TMEM132C: variants seen among roughly 807,000 people sequenced by gnomAD.
TMEM132C encodes protein phosphatase 1, regulatory subunit 152.
TMEM132C carries 29 observed loss-of-function variants against 61.4 expected under a neutral mutation model. That is an observed-to-expected ratio of 0.47 (90% CI 0.35 to 0.64). TMEM132C has a LOEUF of 0.64. Among genes scored for constraint, TMEM132C ranks in the 30% least tolerant of loss-of-function variants. TMEM132C has a pLI of 0.00. For synonymous variants in TMEM132C, 656 were observed against 633.1 expected (o/e 1.04, Z -0.54); for missense variants, 1,408 against 1,476.9 (o/e 0.95, Z 0.76).
chr12:128,682,288 C>G (rs1483113177), intron 5 of TMEM132C, among the ~76,000 whole-genome samples: 1 of 152,220 alleles, frequency 6.6e-6, no homozygotes, highest in South Asian at 2.1e-4. Flanking sequence ...CTCCTCTCCT[C>G]CACCCCCTTA....
intron 3 of TMEM132C, among the ~76,000 whole-genome samples, chr12:128,597,304 A>G (rs936012778): frequency 6.6e-6 from 1 of 151,666 alleles, no homozygotes; most frequent in Non-Finnish European, 1.5e-5. Context: ...ACATGGTGAA[A>G]CCCCATCTCT....
In TMEM132C at chr12:128,705,424, A is replaced by G; in HGVS notation, c.2456A>G (p.Asn819Ser). 6.4e-7 allele frequency: 1 copy of G among 1,550,948 alleles called. No individual in the cohort carries two copies. Among genetic ancestry groups the G allele is most frequent in the Non-Finnish European group, 8.7e-7 (1 of 1,146,960 alleles). Residue 819 changes from asparagine (N) to serine (S), a missense_variant, in exon 9 of 9, where the codon AAC becomes AGC. By Grantham distance (46) the Asn-to-Ser change is conservative. Coordinates refer to ENST00000435159, the MANE Select transcript of TMEM132C (RefSeq NM_001136103.3). The part of the protein sequence containing the change: ...GGDYEEDEIK[N>S]HASDRRQKGQ... ...GACTATGAGGAAGATGAGATCAAGA[A>G]CCACGCCAGCGACCGCCGGCAGAAG...
At chr12:128,353,185 A>T (rs1018678115) in intron 1 of TMEM132C, among the ~76,000 whole-genome samples, 2 of 152,238 alleles carry the variant, frequency 1.3e-5, no homozygotes, top group African/African-American at 4.8e-5. Flanking sequence ...AAACACTGCT[A>T]ATCATCCATG....
At chr12:128,536,064 T>G (rs1352820163) in intron 2 of TMEM132C, among the ~76,000 whole-genome samples, 1 of 152,158 alleles carries the variant, frequency 6.6e-6, no homozygotes, top group Admixed American at 6.5e-5. Flanking sequence ...GGATTATAAA[T>G]CATGCTACTA....
chr12:128,517,679 A>C (rs1430511607), intron 2 of TMEM132C, among the ~76,000 whole-genome samples: 2 of 152,190 alleles, frequency 1.3e-5, no homozygotes, highest in Non-Finnish European at 1.5e-5. Flanking sequence ...AACTTTTCAT[A>C]ATAAATTTGG....
chr12:128,549,310 C>T (rs148832711), intron 3 of TMEM132C, among the ~76,000 whole-genome samples: 1,987 of 152,190 alleles, frequency 0.013, 31 homozygotes, highest in Non-Finnish European at 0.021. Flanking sequence ...ACGTGAGACA[C>T]GAGGCCAGGC....
intron 1 of TMEM132C, among the ~76,000 whole-genome samples, chr12:128,325,417 G>A (rs1307677462): frequency 1.3e-5 from 2 of 152,026 alleles, no homozygotes; most frequent in Non-Finnish European, 2.9e-5. Flanking sequence ...CGTTTGCTGT[G>A]ATCCTTCCAG....
At chr12:128,562,414 A>T (rs1874554859) in intron 3 of TMEM132C, among the ~76,000 whole-genome samples, 1 of 152,106 alleles carries the variant, frequency 6.6e-6, no homozygotes, top group African/African-American at 2.4e-5. Flanking sequence ...TAACCTAATA[A>T]GTTTTTTTTC....
chr12:128,429,734 G>A (rs1321996980), intron 2 of TMEM132C, among the ~76,000 whole-genome samples: 3 of 152,150 alleles, frequency 2.0e-5, no homozygotes, highest in Non-Finnish European at 4.4e-5. Context: ...CATCAGAGAG[G>A]GGTATTCAAA....
chr12:128,454,380 C>T (rs1424961561), intron 2 of TMEM132C, among the ~76,000 whole-genome samples: 1 of 152,226 alleles, frequency 6.6e-6, no homozygotes, highest in African/African-American at 2.4e-5. Context: ...CATGGATTTG[C>T]TCTTTCTCAC....
chr12:128,267,448 G>T lies in TMEM132C; in HGVS notation c.46G>T (p.Gly16Trp). 2 of 1,265,046 alleles carry T rather than the reference G, an allele frequency of 1.6e-6. No homozygotes were observed. Among genetic ancestry groups the T allele is most frequent in the Non-Finnish European group, 2.0e-6 (2 of 1,007,118 alleles). 78.4% of individuals were successfully genotyped at this position (1,265,046 alleles called of 1,614,324 possible). ...AAPGPAAPLCGALSLLLGALL... is the reference protein window; with the variant it reads ...AAPGPAAPLCWALSLLLGALL... ...CCCCGGGCCGGCGGCGCCGCTGTGC[G>T]GGGCGCTGAGCCTGCTGCTGGGCGC... Residue 16 changes from glycine to tryptophan, a missense_variant, in exon 1 of 9, where the codon GGG (glycine) becomes TGG (tryptophan). Coordinates refer to ENST00000435159, the MANE Select transcript of TMEM132C (RefSeq NM_001136103.3).
intron 2 of TMEM132C, chr12:128,437,759 A>C (rs933586362): frequency 2.6e-5 from 4 of 152,216 alleles, no homozygotes; most frequent in African/African-American, 9.6e-5. Flanking sequence ...TTCCCTTAGA[A>C]AATCTTATTT....
intron 1 of TMEM132C, among the ~76,000 whole-genome samples, chr12:128,386,737 A>G (rs1296311202): frequency 6.6e-6 from 1 of 152,164 alleles, no homozygotes; most frequent in Non-Finnish European, 1.5e-5. Context: ...TGAGGCAGAG[A>G]AAGGGGACAC....
chr12:128,406,119 T>G (rs1487717289), intron 1 of TMEM132C, among the ~76,000 whole-genome samples: 1 of 152,212 alleles, frequency 6.6e-6, no homozygotes, highest in East Asian at 1.9e-4. Flanking sequence ...AGGGTTGCCA[T>G]CCCCTGGTAC....
chr12:128,392,501 G>C (rs1198090199), intron 1 of TMEM132C, among the ~76,000 whole-genome samples: 1 of 152,058 alleles, frequency 6.6e-6, no homozygotes. Flanking sequence ...GAGAGAGCCT[G>C]ACCCCAGAAC....
At position 128,482,167 on chromosome 12, in the gene TMEM132C, G is replaced by A. The variant is rs557521566; in HGVS notation, c.975-61790G>A. 6.4e-4 allele frequency among the ~76,000 whole-genome samples: 97 copies of A among 152,170 alleles called. 1 individual carries two copies. The highest frequency in any genetic ancestry group is 1.5e-3 in the African/African-American group (64 of 41,512). ...TTGAGATAATCATGTGGTTTTTGTC[G>A]TTGGTTCTGTCTGTGTGATGGATTA... On this transcript the variant is annotated intron_variant, in intron 2 of 8. Transcript: ENST00000435159.
intron 2 of TMEM132C, among the ~76,000 whole-genome samples, chr12:128,418,605 T>A (rs1868864772): frequency 1.3e-5 from 2 of 152,256 alleles, no homozygotes; most frequent in Admixed American, 6.5e-5. Context: ...GTACAGTGAT[T>A]GCTCGTAGAC....
At chr12:128,427,387 G>GTGTGTGTGTGTGTGTGT (rs1869224289) in intron 2 of TMEM132C, among the ~76,000 whole-genome samples, 1 of 132,294 alleles carries the variant, frequency 7.6e-6, no homozygotes, top group African/African-American at 3.0e-5. Context: ...CTTCCAAAGG[G>GTGTGTGTGTGTGTGTGT]GTGTGTGTGT....
intron 8 of TMEM132C, among the ~76,000 whole-genome samples, chr12:128,699,788 C>T (rs1298763370): frequency 1.3e-5 from 2 of 152,276 alleles, no homozygotes; most frequent in Middle Eastern, 3.4e-3. Flanking sequence ...CTTTGGTGGG[C>T]CATTCCAGGA....
Sources: gnomAD v4.1 joint callset for allele counts (sites outside exome capture counted in the v4.1 genomes callset) on GRCh38, gnomAD v4.1.1 for gene constraint, MANE v1.5 for transcripts, NCBI Gene and HGNC (gene_info 2026-07-23, HGNC 2026-07-21) for gene names.